The following SORBS2 variants were observed in gnomAD, a reference collection of about 807,000 sequenced individuals.
SORBS2 encodes sorbin and SH3 domain-containing protein 2.
SORBS2 carries 46 observed loss-of-function variants against 97.7 expected under a neutral mutation model. The observed-to-expected ratio is 0.47, with a 90% CI of 0.37 to 0.60. The LOEUF (loss-of-function observed/expected upper bound fraction) is 0.60, where lower values mean the gene tolerates loss of function less well. Among genes scored for constraint, SORBS2 ranks in the 20% least tolerant of loss-of-function variants. The probability of loss-of-function intolerance (pLI) is 0.00; values close to 1 mark genes in which losing one functional copy is unlikely to be tolerated. For synonymous variants in SORBS2, 476 were observed against 473.4 expected, an observed-to-expected ratio of 1.01 and a Z score of -0.07; for missense variants, 1,316 against 1,282.3, an observed-to-expected ratio of 1.03 and a Z score of -0.40.
At chr4:185,612,108 A>G in intron 11 of SORBS2, 128 bp from the exon 24 acceptor site, 1 of 667,366 alleles carries the variant, frequency 1.5e-6, no homozygotes, top group Non-Finnish European at 2.6e-6. Context: ...TTTTTGTTTA[A>G]TCAGGGGAGG....
intron 1 of SORBS2, among the ~76,000 whole-genome samples, chr4:185,909,469 C>T (rs753257394): frequency 6.6e-6 from 1 of 151,906 alleles, no homozygotes; most frequent in Non-Finnish European, 1.5e-5. Flanking sequence ...CTACCAAAAG[C>T]CCAGACTTCA....
intron 1 of SORBS2, among the ~76,000 whole-genome samples, chr4:185,806,659 C>T (rs1429767927): frequency 1.3e-5 from 2 of 151,614 alleles, no homozygotes; most frequent in East Asian, 3.9e-4. Flanking sequence ...GGGGTTTCAC[C>T]GTTTTAGCCG....
chr4:185,743,287 C>T (rs1443768113), intron 2 of SORBS2, among the ~76,000 whole-genome samples: 1 of 152,120 alleles, frequency 6.6e-6, no homozygotes, highest in Admixed American at 6.6e-5. Flanking sequence ...AATTTTGGTG[C>T]AGCATGAAAA....
At chr4:185,662,381 T>A in intron 4 of SORBS2, 139 bp from the exon 8 acceptor site, 1 of 813,766 alleles carries the variant, frequency 1.2e-6, no homozygotes, top group Non-Finnish European at 1.9e-6. Flanking sequence ...AAAACTGATG[T>A]CAGAGGGCAT....
chr4:185,618,487 C>A, intron 9 of SORBS2, 98 bp downstream of exon 21: 1 of 576,854 alleles, frequency 1.7e-6, no homozygotes, highest in Non-Finnish European at 3.0e-6. Context: ...GGAATTAGAC[C>A]TCATTTGTAA....
exon 8 of SORBS2, chr4:185,620,089 C>T: frequency 6.2e-7 from 1 of 1,610,782 alleles, no homozygotes; most frequent in South Asian, 1.1e-5. Flanking sequence ...CCTCTTCTTT[C>T]CCTTGGTGCA....
intron 2 of SORBS2, among the ~76,000 whole-genome samples, chr4:185,735,549 C>T (rs918801139): frequency 2.0e-5 from 3 of 151,940 alleles, no homozygotes; most frequent in Non-Finnish European, 1.5e-5. Flanking sequence ...AGCCTTCCCC[C>T]AAATCCTTCC....
chr4:185,944,967 A>G (rs2099273857), intron 1 of SORBS2, among the ~76,000 whole-genome samples: 1 of 152,226 alleles, frequency 6.6e-6, no homozygotes, highest in African/African-American at 2.4e-5. Flanking sequence ...AGGAAAAAGA[A>G]CACTAATATC....
chr4:185,607,982 C>T lies in SORBS2; in HGVS notation c.2796+3798G>A, dbSNP rs1187915986. Among the ~76,000 whole-genome samples, 2 of 152,132 alleles carry T rather than the reference C, an allele frequency of 1.3e-5. No homozygotes were observed. Among genetic ancestry groups the T allele is most frequent in the African/African-American group, 2.4e-5 (1 of 41,414 alleles). On this transcript the variant is annotated intron_variant, in intron 12 of 14. Coordinates refer to ENST00000418609, the Ensembl canonical transcript of SORBS2. This position sits in a 1 kb window ranked among gnomAD's most constrained non-coding sequence, Gnocchi z 5.2. The stretch of plus-strand genomic sequence containing the variant: ...CTGGGGTTACAGGTGTGAGCCACCG[C>T]GCCTGGCCCTTAAGAGATTTAATGC...
intron 1 of SORBS2, among the ~76,000 whole-genome samples, chr4:185,883,224 T>G (rs1300312266): frequency 6.6e-6 from 1 of 152,180 alleles, no homozygotes; most frequent in Non-Finnish European, 1.5e-5. Flanking sequence ...TCAATTCAAT[T>G]TTTAAAATGG....
intron 2 of SORBS2, among the ~76,000 whole-genome samples, chr4:185,682,353 A>G (rs1033823256): frequency 3.3e-5 from 5 of 152,196 alleles, no homozygotes; most frequent in African/African-American, 1.2e-4. Context: ...TTGTTTCTCA[A>G]TAGTCATTGT....
chr4:185,846,142 C>T (rs182818877), intron 1 of SORBS2, among the ~76,000 whole-genome samples: 120 of 152,254 alleles, frequency 7.9e-4, no homozygotes, highest in African/African-American at 2.8e-3. Context: ...AACCTGGAAA[C>T]AACACAAATG....
At chr4:185,658,236 T>C (rs1182924523), upstream of SORBS2, among the ~76,000 whole-genome samples, 1 of 152,198 alleles carries the variant, frequency 6.6e-6, no homozygotes, top group Non-Finnish European at 1.5e-5. Flanking sequence ...ATTTTTACCT[T>C]AAAATATCAA....
intron 4 of SORBS2, among the ~76,000 whole-genome samples, chr4:185,636,939 G>A (rs1281818494): frequency 6.6e-6 from 1 of 152,200 alleles, no homozygotes; most frequent in African/African-American, 2.4e-5. Flanking sequence ...GAGCCACCGT[G>A]CTCGGCCTCA....
At chr4:185,899,623 C>A (rs1008816671) in intron 1 of SORBS2, among the ~76,000 whole-genome samples, 1 of 152,068 alleles carries the variant, frequency 6.6e-6, no homozygotes, top group Non-Finnish European at 1.5e-5. Flanking sequence ...ACGCAACATG[C>A]CCAGGCACTC....
intron 2 of SORBS2, among the ~76,000 whole-genome samples, chr4:185,759,052 A>C (rs2098847601): frequency 6.6e-6 from 1 of 152,160 alleles, no homozygotes; most frequent in African/African-American, 2.4e-5. Context: ...AAGGTTGTTC[A>C]CTGATGTGTC....
intron 2 of SORBS2, among the ~76,000 whole-genome samples, chr4:185,716,628 G>T (rs2098467324): frequency 6.6e-6 from 1 of 152,184 alleles, no homozygotes; most frequent in Non-Finnish European, 1.5e-5. Context: ...CTAAATCTTG[G>T]TTTGAAGGAT....
chr4:185,711,421 G>C (rs553220509), intron 2 of SORBS2, among the ~76,000 whole-genome samples: 22 of 152,232 alleles, frequency 1.4e-4, no homozygotes, highest in Admixed American at 1.4e-3. Flanking sequence ...AGTTCAACTA[G>C]GGCTAGAGCG....
intron 2 of SORBS2, among the ~76,000 whole-genome samples, chr4:185,693,959 A>G (rs554517291): frequency 6.6e-6 from 1 of 152,386 alleles, no homozygotes; most frequent in Admixed American, 6.5e-5. Flanking sequence ...GAGGCTTTTT[A>G]ACTTCCCATT....
Sources: allele counts gnomAD v4.1 joint callset (sites outside exome capture counted in the v4.1 genomes callset), GRCh38; gene constraint gnomAD v4.1.1; non-coding constraint Gnocchi (gnomAD v3.1); transcripts MANE v1.5; gene names NCBI Gene and HGNC (gene_info 2026-07-23, HGNC 2026-07-21).